FAR2: variants seen among roughly 807,000 people sequenced by gnomAD.
FAR2 encodes fatty acyl-CoA reductase 2, also known as epididymis secretory protein Li 81.
In FAR2, 19 loss-of-function variants were observed where a neutral mutation model predicts 56.0. The observed-to-expected ratio is 0.34, with a 90% CI of 0.24 to 0.50. FAR2 has a LOEUF of 0.50. FAR2 is among the 20% of genes least tolerant of loss of function. The pLI, the probability that FAR2 is intolerant of heterozygous loss-of-function variation, is 0.98. For missense variants in FAR2, 508 were observed against 642.2 expected, an observed-to-expected ratio of 0.79 and a Z score of 2.26; for synonymous variants, 219 against 218.8, an observed-to-expected ratio of 1.00 and a Z score of -0.01.
rs755156729 is a variant in FAR2 at position 29,321,814 on chromosome 12, C to T, written c.1147C>T (p.Arg383Trp). Residue 383 changes from arginine (R) to tryptophan (W), a missense_variant, in exon 10 of 12, where the codon CGG becomes TGG. By Grantham distance (101) the Arg-to-Trp change is moderately radical. Coordinates refer to ENST00000536681, the MANE Select transcript of FAR2 (RefSeq NM_001271783.2). The part of the protein sequence containing the change: ...RKPRMTKLMN[R>W]LLRTVSMLEY... The stretch of plus-strand genomic sequence containing the variant: ...TCTCAGGATGACAAAGCTCATGAAT[C>T]GGCTTTTAAGAACTGTTTCCATGTT... 7 of 1,613,296 alleles carry T rather than the reference C, an allele frequency of 4.3e-6. No individual in the cohort carries two copies. Among genetic ancestry groups the T allele is most frequent in the Admixed American group, 1.7e-5 (1 of 59,984 alleles).
intron 1 of FAR2, among the ~76,000 whole-genome samples, chr12:29,248,161 G>T (rs560330214): frequency 6.6e-6 from 1 of 152,266 alleles, no homozygotes; most frequent in Admixed American, 6.5e-5. Flanking sequence ...AAGCTCTGCT[G>T]CTTCTGATAT....
intron 1 of FAR2, among the ~76,000 whole-genome samples, chr12:29,262,446 CATAG>C (rs1286656315): frequency 1.3e-5 from 2 of 152,074 alleles, no homozygotes; most frequent in African/African-American, 4.8e-5. Flanking sequence ...GCCTGACCAA[CATAG>C]ATAAACCCCG....
intron 1 of FAR2, 123 bp from the exon 2 acceptor site, chr12:29,270,289 C>G (rs1421151480): frequency 1.6e-6 from 1 of 627,416 alleles, no homozygotes; most frequent in African/African-American, 1.9e-5. Flanking sequence ...CCACGATGCT[C>G]TCACTGTCTG....
intron 1 of FAR2, among the ~76,000 whole-genome samples, chr12:29,256,583 C>T (rs1043936314): frequency 6.6e-6 from 1 of 152,236 alleles, no homozygotes; most frequent in African/African-American, 2.4e-5. Flanking sequence ...ACTGTGGGAG[C>T]CCCTTTCTGG....
intron 1 of FAR2, among the ~76,000 whole-genome samples, chr12:29,253,384 TA>T (rs975820544): frequency 3.4e-5 from 5 of 147,104 alleles, no homozygotes; most frequent in African/African-American, 1.2e-4. Context: ...TCTAGATAGA[TA>T]GATAGATATC....
chr12:29,170,201 G>T (rs1375122993), intron 1 of FAR2, among the ~76,000 whole-genome samples: 1 of 152,230 alleles, frequency 6.6e-6, no homozygotes, highest in Non-Finnish European at 1.5e-5. Context: ...TTCTGCAAGA[G>T]TTTCCTTATC....
Position 29,333,776 on chromosome 12 carries a change from C to A in FAR2, c.1530C>A (p.Ser510=), listed in dbSNP as rs115301504. 2 of 1,613,468 alleles carry A rather than the reference C, an allele frequency of 1.2e-6. No individual in the cohort carries two copies. Among genetic ancestry groups the A allele is most frequent in the African/African-American group, 2.7e-5 (2 of 74,904 alleles). Residue 510 remains serine, a synonymous_variant, in exon 12 of 12, where the codon TCC becomes TCA. Coordinates refer to ENST00000536681, the MANE Select transcript of FAR2 (RefSeq NM_001271783.2). ...CYKFLSYFRA[S]STLKV ...AATTCCTCTCCTACTTTAGAGCATCCAGCACGCTCAAAGTTTAAGAGCATT... is the reference window on the plus strand; with the variant it reads ...AATTCCTCTCCTACTTTAGAGCATCAAGCACGCTCAAAGTTTAAGAGCATT...
At chr12:29,180,286 A>G (rs1949979664) in intron 1 of FAR2, among the ~76,000 whole-genome samples, 1 of 152,212 alleles carries the variant, frequency 6.6e-6, no homozygotes, top group African/African-American at 2.4e-5. Flanking sequence ...ACTTCTCATT[A>G]TGCCCTGTTC....
At chr12:29,294,358 TTTG>T (rs1949020408) in intron 3 of FAR2, among the ~76,000 whole-genome samples, 2 of 152,126 alleles carry the variant, frequency 1.3e-5, no homozygotes, top group East Asian at 1.9e-4. Context: ...TAATTTTTTT[TTTG>T]TTGTTGAGAC....
At chr12:29,175,166 C>T (rs1314935104) in intron 1 of FAR2, among the ~76,000 whole-genome samples, 1 of 152,208 alleles carries the variant, frequency 6.6e-6, no homozygotes, top group Non-Finnish European at 1.5e-5. Flanking sequence ...TGAAAGGGAT[C>T]CGATGGTACT....
chr12:29,159,315 G>T (rs945825666), intron 1 of FAR2, among the ~76,000 whole-genome samples: 2 of 152,082 alleles, frequency 1.3e-5, no homozygotes, highest in African/African-American at 4.8e-5. Flanking sequence ...AAGGCGGGCG[G>T]ATCATGAGGT....
intron 1 of FAR2, among the ~76,000 whole-genome samples, chr12:29,159,727 G>C (rs545692739): frequency 6.6e-6 from 1 of 152,164 alleles, no homozygotes; most frequent in Non-Finnish European, 1.5e-5. Flanking sequence ...TGGCTGAGAC[G>C]TAGCTTGCAT....
chr12:29,203,691 G>A (rs1358087319), intron 1 of FAR2, among the ~76,000 whole-genome samples: 1 of 152,130 alleles, frequency 6.6e-6, no homozygotes, highest in Non-Finnish European at 1.5e-5. Context: ...AATGGTAGAA[G>A]ATTCTCAGGT....
chr12:29,242,158 T>G (rs1948047333), intron 1 of FAR2, among the ~76,000 whole-genome samples: 1 of 152,154 alleles, frequency 6.6e-6, no homozygotes, highest in African/African-American at 2.4e-5. Flanking sequence ...GAAAGGAAGT[T>G]TATGTATTTG....
intron 1 of FAR2, chr12:29,156,682 G>A (rs1170062467): frequency 2.0e-5 from 3 of 151,936 alleles, no homozygotes; most frequent in African/African-American, 7.3e-5. Flanking sequence ...TATGAATAGT[G>A]GTAGTTTAGG....
At chr12:29,308,711 C>CATATATATATATATATATATATAT (rs1428729903) in intron 5 of FAR2, among the ~76,000 whole-genome samples, 2 of 109,796 alleles carry the variant, frequency 1.8e-5, no homozygotes, top group African/African-American at 7.6e-5. Flanking sequence ...CACACACACA[C>CATATATATATATATATATATATAT]ACACACACAT....
chr12:29,205,464 A>C (rs1947468641), intron 1 of FAR2, among the ~76,000 whole-genome samples: 1 of 152,226 alleles, frequency 6.6e-6, no homozygotes, highest in African/African-American at 2.4e-5. Context: ...AATGGTTAAA[A>C]GAGAAGAAAA....
At chr12:29,215,883 G>A (rs1412876368) in intron 1 of FAR2, among the ~76,000 whole-genome samples, 1 of 152,122 alleles carries the variant, frequency 6.6e-6, no homozygotes, top group African/African-American at 2.4e-5. Context: ...TTGAGTTTGA[G>A]GTCCAAGGAG....
chr12:29,160,692 T>G (rs1262107086), intron 1 of FAR2, among the ~76,000 whole-genome samples: 2 of 152,196 alleles, frequency 1.3e-5, no homozygotes, highest in Non-Finnish European at 2.9e-5. Context: ...TTCTGAGAGC[T>G]GTGAGGGAAG....
Sources: gnomAD v4.1 joint callset for allele counts (sites outside exome capture counted in the v4.1 genomes callset) on GRCh38, gnomAD v4.1.1 for gene constraint, MANE v1.5 for transcripts, NCBI Gene and HGNC (gene_info 2026-07-23, HGNC 2026-07-21) for gene names.